KATNAL2: variants seen among roughly 807,000 people sequenced by gnomAD.
The protein encoded by KATNAL2 is katanin catalytic subunit A1 like 2.
KATNAL2 carries 52 observed loss-of-function variants against 76.3 expected under a neutral mutation model. The ratio of observed to expected loss-of-function variants is 0.68; its 90% CI spans 0.55 to 0.86. The LOEUF (loss-of-function observed/expected upper bound fraction) is 0.86. Among genes scored for constraint, KATNAL2 ranks in the 40% least tolerant of loss-of-function variants. The pLI is 0.00. For missense variants in KATNAL2, 660 were observed against 668.9 expected, an observed-to-expected ratio of 0.99 and a Z score of 0.15; for synonymous variants, 243 against 244.2, an observed-to-expected ratio of 1.00 and a Z score of 0.05.
At chr18:47,057,040 C>T (rs1303857925) in intron 6 of KATNAL2, among the ~76,000 whole-genome samples, 1 of 152,048 alleles carries the variant, frequency 6.6e-6, no homozygotes, top group African/African-American at 2.4e-5. Context: ...TCATGACGCT[C>T]TCCCCAGTGA....
chr18:47,031,861 T>G (rs1043623365), intron 3 of KATNAL2, among the ~76,000 whole-genome samples: 1 of 152,178 alleles, frequency 6.6e-6, no homozygotes, highest in African/African-American at 2.4e-5. Flanking sequence ...AAATGCAGTA[T>G]CCCTTTGTCT....
intron 1 of KATNAL2, among the ~76,000 whole-genome samples, chr18:46,926,312 A>ATTTT (rs2058728669): frequency 6.6e-6 from 1 of 152,070 alleles, no homozygotes; most frequent in African/African-American, 2.4e-5. Flanking sequence ...TTCAAAGAAC[A>ATTTT]TCTTTATTTC....
At chr18:47,100,814 T>G (rs1452301999) in intron 17 of KATNAL2, 52 bp from the exon 18 acceptor site, 3 of 1,606,768 alleles carry the variant, frequency 1.9e-6, no homozygotes, top group South Asian at 1.1e-5. Context: ...TCAAGAGCAT[T>G]GATCACCAAG....
At chr18:46,943,501 T>A (rs1328106866) in intron 1 of KATNAL2, among the ~76,000 whole-genome samples, 4 of 152,176 alleles carry the variant, frequency 2.6e-5, no homozygotes, top group Non-Finnish European at 5.9e-5. Context: ...TCCTCACTGC[T>A]ACACTCCCAC....
intron 3 of KATNAL2, among the ~76,000 whole-genome samples, chr18:47,045,601 G>A (rs1436911592): frequency 6.6e-6 from 1 of 152,080 alleles, no homozygotes; most frequent in African/African-American, 2.4e-5. Context: ...GGGATTACAG[G>A]TATGAGCCAC....
intron 13 of KATNAL2, among the ~76,000 whole-genome samples, chr18:47,074,122 G>T (rs573605200): frequency 3.3e-5 from 5 of 152,206 alleles, no homozygotes; most frequent in Non-Finnish European, 5.9e-5. Flanking sequence ...CCCTGAATTA[G>T]GTGGTCTCCA....
chr18:46,947,135 G>A lies in KATNAL2; in HGVS notation c.51+212G>A, dbSNP rs568028341. ...AAATAAATGAGACACAGGCGGGTTT[G>A]GGGGTGACAACGGGTCGGATGAAAG... On this transcript the variant is annotated intron_variant, in intron 3 of 17. Transcript: ENST00000683218. 3.8e-3 allele frequency among the ~76,000 whole-genome samples: 574 copies of A among 152,326 alleles called. 2 individuals are homozygous for A. The highest frequency in any genetic ancestry group is 6.8e-3 in the Non-Finnish European group (464 of 68,030).
intron 15 of KATNAL2, among the ~76,000 whole-genome samples, chr18:47,085,709 G>A (rs2062740071): frequency 6.6e-6 from 1 of 152,120 alleles, no homozygotes; most frequent in Non-Finnish European, 1.5e-5. Context: ...ATTTGGGGGA[G>A]ATTGATTTGA....
chr18:46,935,917 A>C (rs571487234), intron 1 of KATNAL2, among the ~76,000 whole-genome samples: 173 of 152,304 alleles, frequency 1.1e-3, no homozygotes, highest in African/African-American at 3.8e-3. Flanking sequence ...CTCCATCTCA[A>C]AATTTAAAAA....
At chr18:47,069,422 G>C in intron 12 of KATNAL2, 60 bp from the exon 13 acceptor site, 11 of 1,435,170 alleles carry the variant, frequency 7.7e-6, no homozygotes, top group Non-Finnish European at 1.1e-5. Flanking sequence ...ACTGACTTCT[G>C]TCTATAAGCA....
Position 46,967,546 on chromosome 18 carries a change from T to C in KATNAL2, c.51+20623T>C, listed in dbSNP as rs868147952. ...GCGTGCTCATGTGTGCGTGTGCGTG[T>C]GTGTGTGCGTGTCTTTCTTTGTGTG... is the stretch of plus-strand genomic sequence containing the variant. On this transcript the variant is annotated intron_variant, in intron 3 of 17. Transcript: ENST00000683218. Among the ~76,000 whole-genome samples the C allele has an allele frequency of 5.0e-3, 570 of 113,062 alleles. 2 individuals are homozygous for C. Among genetic ancestry groups the C allele is most frequent in the African/African-American group, 0.015 (440 of 29,600 alleles). 74.2% of individuals were successfully genotyped at this position (113,062 alleles called of 152,430 possible). A position where few individuals can be genotyped will look rare whatever the true frequency, so the allele number is the denominator to read the frequency against.
intron 1 of KATNAL2, among the ~76,000 whole-genome samples, chr18:46,920,632 A>AT (rs1240807330): frequency 6.6e-6 from 1 of 152,126 alleles, no homozygotes; most frequent in African/African-American, 2.4e-5. Flanking sequence ...TTAATTTGGC[A>AT]TTTTTTCTAA....
intron 1 of KATNAL2, among the ~76,000 whole-genome samples, chr18:46,928,305 A>T (rs969285008): frequency 1.3e-5 from 2 of 152,080 alleles, no homozygotes; most frequent in African/African-American, 4.8e-5. Context: ...CTTCTACCAG[A>T]CAGGACCCTC....
chr18:47,097,378 A>T (rs2063293942), intron 15 of KATNAL2, among the ~76,000 whole-genome samples: 1 of 152,216 alleles, frequency 6.6e-6, no homozygotes, highest in Non-Finnish European at 1.5e-5. Context: ...CACCACACCG[A>T]CAGTGAGATA....
At chr18:47,081,268 G>A (rs2062506204) in intron 15 of KATNAL2, among the ~76,000 whole-genome samples, 1 of 152,004 alleles carries the variant, frequency 6.6e-6, no homozygotes, top group Non-Finnish European at 1.5e-5. Context: ...CAGCGGCACT[G>A]TCTAATAGAA....
intron 2 of KATNAL2, 110 bp downstream of exon 2, chr18:46,946,656 G>C: frequency 1.7e-6 from 2 of 1,159,910 alleles, no homozygotes; most frequent in Non-Finnish European, 2.3e-6. Flanking sequence ...CTCTTCATTG[G>C]CCAGTGTCAT....
chr18:47,043,512 G>A (rs1285851788), intron 3 of KATNAL2, among the ~76,000 whole-genome samples: 1 of 152,112 alleles, frequency 6.6e-6, no homozygotes, highest in Non-Finnish European at 1.5e-5. Flanking sequence ...GAAGCATGGC[G>A]GAAAGTGTGC....
chr18:46,931,698 G>A (rs1343765666), intron 1 of KATNAL2, among the ~76,000 whole-genome samples: 2 of 145,826 alleles, frequency 1.4e-5, no homozygotes, highest in African/African-American at 2.5e-5. Flanking sequence ...GAGGAAGGAA[G>A]GAAGAGAGAG....
chr18:47,055,453 C>G (rs988237929), intron 6 of KATNAL2, among the ~76,000 whole-genome samples: 2 of 152,180 alleles, frequency 1.3e-5, no homozygotes, highest in African/African-American at 4.8e-5. Context: ...TTCCCTTGTT[C>G]CAGCCTCAGA....
Sources: gnomAD v4.1 joint callset for allele counts (sites outside exome capture counted in the v4.1 genomes callset) on GRCh38, gnomAD v4.1.1 for gene constraint, MANE v1.5 for transcripts, NCBI Gene and HGNC (gene_info 2026-07-23, HGNC 2026-07-21) for gene names.